The following CDH12 variants were observed in gnomAD, a reference collection of about 807,000 sequenced individuals.
CDH12 encodes cadherin-12.
Under a neutral mutation model 74.1 loss-of-function variants are expected in CDH12, and 41 were observed. The ratio of observed to expected loss-of-function variants is 0.55; its 90% CI spans 0.43 to 0.72. The LOEUF is 0.72. Ranked by LOEUF, CDH12 falls within the 30% of genes least tolerant of loss-of-function variation. The pLI is 0.00. For missense variants in CDH12, 945 were observed against 977.2 expected (o/e 0.97, Z 0.44); for synonymous variants, 399 against 355.0 (o/e 1.12, Z -1.39).
At chr5:21,888,402 C>T (rs1752741297) in intron 6 of CDH12, among the ~76,000 whole-genome samples, 2 of 152,078 alleles carry the variant, frequency 1.3e-5, no homozygotes, top group Non-Finnish European at 2.9e-5. Context: ...AGATAAATAG[C>T]ATCTACTTTG....
At chr5:22,561,106 A>T (rs1457033786) in intron 1 of CDH12, among the ~76,000 whole-genome samples, 1 of 152,168 alleles carries the variant, frequency 6.6e-6, no homozygotes, top group Non-Finnish European at 1.5e-5. Flanking sequence ...TGAAAAATAA[A>T]GGTTTTGAAC....
intron 5 of CDH12, among the ~76,000 whole-genome samples, chr5:21,995,300 T>TG (rs1736217951): frequency 6.6e-6 from 1 of 151,638 alleles, no homozygotes. Context: ...TAGTGTGTAG[T>TG]GAGCTCAGTA....
intron 1 of CDH12, among the ~76,000 whole-genome samples, chr5:22,533,268 TAATA>T (rs1561473785): frequency 6.6e-6 from 1 of 152,172 alleles, no homozygotes; most frequent in Non-Finnish European, 1.5e-5. Flanking sequence ...AGCCCCTGCC[TAATA>T]AATAGTTACC....
intron 2 of CDH12, among the ~76,000 whole-genome samples, chr5:22,488,547 A>G (rs1746703127): frequency 1.3e-5 from 2 of 152,142 alleles, no homozygotes; most frequent in South Asian, 4.1e-4. Context: ...ATAGCAAACA[A>G]TTCCCTGGGA....
intron 3 of CDH12, among the ~76,000 whole-genome samples, chr5:22,231,021 G>A (rs982851320): frequency 3.9e-5 from 6 of 152,246 alleles, no homozygotes; most frequent in Non-Finnish European, 8.8e-5. Flanking sequence ...AATGTGCACA[G>A]AATATGGAGA....
intron 1 of CDH12, among the ~76,000 whole-genome samples, chr5:22,684,319 ATTCT>A (rs1013325497): frequency 2.6e-5 from 4 of 152,222 alleles, no homozygotes; most frequent in Admixed American, 2.6e-4. Context: ...ATTCAATTAC[ATTCT>A]TTAAGTTATT....
rs566897951 is a variant in CDH12 at position 22,829,430 on chromosome 5, GA to G, written c.-523+23627del. 3.9e-5 allele frequency among the ~76,000 whole-genome samples: 6 copies of G among 152,258 alleles called. No individual in the cohort carries two copies. The South Asian group carries it at 1.2e-3, about 32-fold the overall frequency. On this transcript the variant is annotated intron_variant, in intron 1 of 14. Coordinates refer to ENST00000382254, the MANE Select transcript of CDH12 (RefSeq NM_004061.5). Reference sequence around the variant, plus strand: ...CTGTTATTTTACATTACCTACACAAGATACTGAAAGGATTTGATGGATTGAA... The same window carrying G: ...CTGTTATTTTACATTACCTACACAAGTACTGAAAGGATTTGATGGATTGAA...
intron 6 of CDH12, among the ~76,000 whole-genome samples, chr5:21,881,685 G>A (rs896085912): frequency 5.9e-5 from 9 of 151,668 alleles, no homozygotes; most frequent in Admixed American, 1.3e-4. Flanking sequence ...GTTAAACTTC[G>A]TATCATTTTT....
At chr5:21,818,439 AT>A (rs1554033822) in intron 8 of CDH12, among the ~76,000 whole-genome samples, 2 of 151,922 alleles carry the variant, frequency 1.3e-5, no homozygotes, top group Non-Finnish European at 2.9e-5. Context: ...ATTTCCCATT[AT>A]TTTTTGAGGT....
At chr5:22,303,604 C>T (rs967543531) in intron 3 of CDH12, among the ~76,000 whole-genome samples, 2 of 151,978 alleles carry the variant, frequency 1.3e-5, no homozygotes, top group Non-Finnish European at 2.9e-5. Flanking sequence ...ACAAAAAAGG[C>T]CAATGTTAGT....
In CDH12 at chr5:22,841,075, A is replaced by G. The variant is rs79531196; in HGVS notation, c.-523+11983T>C. Among the ~76,000 whole-genome samples, 710 of 152,302 alleles carry G rather than the reference A, an allele frequency of 4.7e-3. 9 individuals carry two copies. The highest frequency in any genetic ancestry group is 0.016 in the African/African-American group (677 of 41,572). Reference sequence around the variant, plus strand: ...AGTTGGGAACTACCAGTTGATTTTTACCAGACAGGTGACATGATCTGCCAT... The same window carrying G: ...AGTTGGGAACTACCAGTTGATTTTTGCCAGACAGGTGACATGATCTGCCAT... On this transcript the variant is annotated intron_variant, in intron 1 of 14. Coordinates refer to ENST00000382254, the MANE Select transcript of CDH12 (RefSeq NM_004061.5).
intron 1 of CDH12, among the ~76,000 whole-genome samples, chr5:22,590,764 G>A (rs1021557444): frequency 6.6e-6 from 1 of 152,074 alleles, no homozygotes; most frequent in Non-Finnish European, 1.5e-5. Context: ...CATTTGCTCC[G>A]AGTATTACAC....
chr5:22,519,880 T>C (rs758578509), intron 1 of CDH12, among the ~76,000 whole-genome samples: 8 of 152,136 alleles, frequency 5.3e-5, no homozygotes, highest in Non-Finnish European at 7.3e-5. Context: ...TATAATAATG[T>C]TTGTAAATTA....
At chr5:22,147,607 G>T (rs567064018) in intron 4 of CDH12, among the ~76,000 whole-genome samples, 1 of 147,762 alleles carries the variant, frequency 6.8e-6, no homozygotes, top group Non-Finnish European at 1.5e-5. Context: ...AAAAAAAAGA[G>T]GTTTAATGGA....
Position 22,280,147 on chromosome 5 carries a change from A to G in CDH12, c.-332-67504T>C, listed in dbSNP as rs547375591. 6.6e-5 allele frequency among the ~76,000 whole-genome samples: 10 copies of G among 152,174 alleles called. No homozygotes were observed. The South Asian group carries it at 1.5e-3, about 22-fold the overall frequency. ...GTCCAGTAATGATGAGCATTTTTTT[A>G]TGTGTCTGTTGGCTGCATAAATGTC... is the stretch of plus-strand genomic sequence containing the variant. On this transcript the variant is annotated intron_variant, in intron 3 of 14. Transcript: ENST00000382254.
intron 1 of CDH12, among the ~76,000 whole-genome samples, chr5:22,539,230 T>C (rs1737991302): frequency 6.6e-6 from 1 of 152,174 alleles, no homozygotes; most frequent in East Asian, 1.9e-4. Context: ...ACTGCTTAAA[T>C]GAATGGGTGA....
chr5:21,891,546 C>A (rs376881683), intron 6 of CDH12, among the ~76,000 whole-genome samples: 333 of 132,540 alleles, frequency 2.5e-3, no homozygotes, highest in Non-Finnish European at 4.0e-3. Flanking sequence ...CAGTCCAATT[C>A]TCTTTCCTGT....
chr5:22,153,872 G>A (rs7723219), intron 4 of CDH12, among the ~76,000 whole-genome samples: 18,805 of 122,930 alleles, frequency 0.15, 1,764 homozygotes, highest in East Asian at 0.29. Context: ...ATATATATAT[G>A]TATATATATA....
chr5:22,372,736 GC>G (rs1315138010), intron 3 of CDH12, among the ~76,000 whole-genome samples: 2 of 152,116 alleles, frequency 1.3e-5, no homozygotes, highest in Non-Finnish European at 2.9e-5. Flanking sequence ...ACTAAGACAT[GC>G]CCCGTCCTTC....
Sources: allele counts gnomAD v4.1 joint callset (sites outside exome capture counted in the v4.1 genomes callset), GRCh38; gene constraint gnomAD v4.1.1; transcripts MANE v1.5; gene names NCBI Gene and HGNC (gene_info 2026-07-23, HGNC 2026-07-21).